Variants in UBE2E2 observed in about 807,000 individuals in gnomAD.
UBE2E2 encodes ubiquitin-conjugating enzyme E2 E2.
Under a neutral mutation model 24.7 loss-of-function variants are expected in UBE2E2, and 6 were observed. That is an observed-to-expected ratio of 0.24 (90% CI 0.13 to 0.48). UBE2E2 has a LOEUF of 0.48. Ranked by LOEUF, UBE2E2 falls within the 20% of genes least tolerant of loss-of-function variation. The pLI is 0.99. For synonymous variants in UBE2E2, 104 were observed against 83.6 expected (o/e 1.24, Z -1.33); for missense variants, 169 against 245.0 (o/e 0.69, Z 2.07).
At chr3:23,554,556 C>G (rs1184745325) in intron 5 of UBE2E2, among the ~76,000 whole-genome samples, 3 of 152,082 alleles carry the variant, frequency 2.0e-5, no homozygotes, top group Admixed American at 2.0e-4. Context: ...TTATCTTACA[C>G]TATACACGAA....
At chr3:23,332,383 G>C (rs1695080645) in intron 3 of UBE2E2, among the ~76,000 whole-genome samples, 1 of 152,006 alleles carries the variant, frequency 6.6e-6, no homozygotes, top group Admixed American at 6.6e-5. Flanking sequence ...GGCTCAAGCA[G>C]TCCACCTGCC....
rs377401448 is a variant in UBE2E2 at position 23,487,367 on chromosome 3, C to G, written c.228-12241C>G. Among the ~76,000 whole-genome samples the G allele has an allele frequency of 3.3e-5, 5 of 152,272 alleles. No homozygotes were observed. The East Asian group carries it at 7.7e-4, about 24-fold the overall frequency. ...AACCACTGCTGGGCAGCTGCAGCTG[C>G]GCCTAGAAGTGCAGGCTCCCACCCT... On this transcript the variant is annotated intron_variant, in intron 3 of 5. Coordinates refer to ENST00000396703, the MANE Select transcript of UBE2E2 (RefSeq NM_152653.4).
chr3:23,524,865 G>GACACACACACACACACACACACAC (rs59806964), intron 4 of UBE2E2, among the ~76,000 whole-genome samples: 4 of 147,424 alleles, frequency 2.7e-5, no homozygotes, highest in African/African-American at 1.0e-4. Flanking sequence ...CAGACACACA[G>GACACACACACACACACACACACAC]ACACACACAC....
intron 3 of UBE2E2, among the ~76,000 whole-genome samples, chr3:23,312,088 C>G (rs980651211): frequency 2.6e-5 from 4 of 151,782 alleles, no homozygotes; most frequent in Non-Finnish European, 4.4e-5. Context: ...TGTAGCACCT[C>G]CCTCCTCTCT....
intron 3 of UBE2E2, among the ~76,000 whole-genome samples, chr3:23,475,900 A>G (rs1309473667): frequency 6.6e-6 from 1 of 152,124 alleles, no homozygotes; most frequent in African/African-American, 2.4e-5. Context: ...ATTTACAGTG[A>G]GTACATGTTC....
intron 4 of UBE2E2, among the ~76,000 whole-genome samples, chr3:23,526,270 T>G (rs1289881582): frequency 1.3e-5 from 2 of 152,250 alleles, no homozygotes; most frequent in Non-Finnish European, 2.9e-5. Flanking sequence ...TGTGAAATAA[T>G]ATTATAACCT....
In UBE2E2 at chr3:23,347,349, T is replaced by C. The variant is rs533166753; in HGVS notation, c.227+130037T>C. 9.8e-5 allele frequency among the ~76,000 whole-genome samples: 15 copies of C among 152,312 alleles called. No homozygotes were observed. The South Asian group carries it at 2.5e-3, about 25-fold the overall frequency. On this transcript the variant is annotated intron_variant, in intron 3 of 5. Transcript: ENST00000396703. ...CTGAATTAAGAAAATGTGGCACATA[T>C]ACACCACGGAATACTATGCAGCCAT...
chr3:23,445,620 G>T (rs6780723), intron 3 of UBE2E2, among the ~76,000 whole-genome samples: 97,617 of 152,102 alleles, frequency 0.64, 33,293 homozygotes, highest in African/African-American at 0.88. Flanking sequence ...AATCCTTTTT[G>T]CCTTGACAGT....
intron 2 of UBE2E2, among the ~76,000 whole-genome samples, chr3:23,213,635 C>T (rs139203795): frequency 1.3e-5 from 2 of 152,178 alleles, no homozygotes; most frequent in East Asian, 3.9e-4. Context: ...GGTGATTGTT[C>T]AGGTGATTTT....
chr3:23,273,973 C>T (rs1281006581), intron 3 of UBE2E2: 2 of 152,160 alleles, frequency 1.3e-5, no homozygotes, highest in Non-Finnish European at 2.9e-5. Flanking sequence ...CTTGATTCTT[C>T]TTACTGACTG....
chr3:23,573,802 C>G (rs1696279836), intron 5 of UBE2E2, among the ~76,000 whole-genome samples: 1 of 152,020 alleles, frequency 6.6e-6, no homozygotes, highest in Non-Finnish European at 1.5e-5. Context: ...GCAATGTACG[C>G]CAATATGGGT....
At chr3:23,522,927 C>T (rs1559410749) in intron 4 of UBE2E2, among the ~76,000 whole-genome samples, 1 of 151,654 alleles carries the variant, frequency 6.6e-6, no homozygotes, top group Non-Finnish European at 1.5e-5. Context: ...AACTCACACT[C>T]AAAGATTTCT....
chr3:23,578,930 G>C (rs1167209739), intron 5 of UBE2E2, among the ~76,000 whole-genome samples: 1 of 151,896 alleles, frequency 6.6e-6, no homozygotes, highest in East Asian at 1.9e-4. Flanking sequence ...GAACTTAAAA[G>C]TTAAAAAAAA....
intron 3 of UBE2E2, among the ~76,000 whole-genome samples, chr3:23,431,952 C>G (rs1698071267): frequency 6.6e-6 from 1 of 152,130 alleles, no homozygotes; most frequent in East Asian, 1.9e-4. Flanking sequence ...TAAATAAGCT[C>G]TCACAGACAG....
intron 3 of UBE2E2, among the ~76,000 whole-genome samples, chr3:23,240,476 T>C (rs1468962060): frequency 1.3e-5 from 2 of 152,340 alleles, no homozygotes; most frequent in East Asian, 3.9e-4. Flanking sequence ...GGTTTTATCA[T>C]ATTATTCTTA....
intron 3 of UBE2E2, chr3:23,271,282 G>C: frequency 3.3e-6 from 1 of 305,372 alleles, no homozygotes; most frequent in South Asian, 3.0e-5. Flanking sequence ...CAGATGTTCA[G>C]ATGTTTCTGG....
chr3:23,463,528 C>T (rs984015295), intron 3 of UBE2E2, among the ~76,000 whole-genome samples: 3 of 152,016 alleles, frequency 2.0e-5, no homozygotes, highest in African/African-American at 7.3e-5. Context: ...AACATTTAGC[C>T]TGTGGGACCC....
chr3:23,316,233 A>G (rs573846040), intron 3 of UBE2E2, among the ~76,000 whole-genome samples: 5 of 152,198 alleles, frequency 3.3e-5, no homozygotes, highest in Non-Finnish European at 7.4e-5. Flanking sequence ...ATGGGTCCAG[A>G]AGTGCCATCC....
At chr3:23,438,242 A>G (rs1698225507) in intron 3 of UBE2E2, among the ~76,000 whole-genome samples, 1 of 152,180 alleles carries the variant, frequency 6.6e-6, no homozygotes, top group African/African-American at 2.4e-5. Context: ...GAGAAGGTTC[A>G]GGAATTCAGG....
Sources: allele counts gnomAD v4.1 joint callset (sites outside exome capture counted in the v4.1 genomes callset), GRCh38; gene constraint gnomAD v4.1.1; transcripts MANE v1.5; gene names NCBI Gene and HGNC (gene_info 2026-07-23, HGNC 2026-07-21).